Variants in SMARCA2 observed in about 807,000 individuals in gnomAD.
The protein encoded by SMARCA2 is SWI/SNF-related matrix-associated actin-dependent regulator of chromatin subfamily A member 2.
In SMARCA2, 61 loss-of-function variants were observed where a neutral mutation model predicts 199.8. The ratio of observed to expected loss-of-function variants is 0.31; its 90% CI spans 0.25 to 0.38. The LOEUF is 0.38. Among genes scored for constraint, SMARCA2 ranks in the 10% least tolerant of loss-of-function variants. The pLI, the probability that SMARCA2 is intolerant of heterozygous loss-of-function variation, is 1.00. For missense variants in SMARCA2, 1,344 were observed against 2,012.2 expected, an observed-to-expected ratio of 0.67 and a Z score of 6.35; for synonymous variants, 935 against 732.0, an observed-to-expected ratio of 1.28 and a Z score of -4.48.
intron 5 of SMARCA2, among the ~76,000 whole-genome samples, chr9:2,052,871 G>C (rs951101118): frequency 3.3e-5 from 5 of 152,092 alleles, no homozygotes; most frequent in Non-Finnish European, 7.3e-5. Context: ...GGTTGCCTTA[G>C]GACAGAACCA....
intron 9 of SMARCA2, among the ~76,000 whole-genome samples, chr9:2,069,695 G>A (rs1335177288): frequency 2.0e-5 from 3 of 152,122 alleles, no homozygotes; most frequent in Admixed American, 6.5e-5. Flanking sequence ...AACATCCAGG[G>A]AACTCATAAA....
At chr9:2,032,099 C>T (rs1819097046) in intron 2 of SMARCA2, among the ~76,000 whole-genome samples, 1 of 152,200 alleles carries the variant, frequency 6.6e-6, no homozygotes, top group Non-Finnish European at 1.5e-5. Context: ...TTTCTTTTCT[C>T]CAAAACTGCA....
At chr9:2,102,029 A>G (rs1822539225) in intron 22 of SMARCA2, among the ~76,000 whole-genome samples, 1 of 152,114 alleles carries the variant, frequency 6.6e-6, no homozygotes, top group African/African-American at 2.4e-5. Flanking sequence ...TTTTATAGTC[A>G]TTTGTTAGAG....
intron 27 of SMARCA2, among the ~76,000 whole-genome samples, chr9:2,147,385 T>C (rs1186272957): frequency 6.6e-6 from 1 of 152,104 alleles, no homozygotes; most frequent in East Asian, 1.9e-4. Flanking sequence ...GAGAAAATAA[T>C]ATGTCACTTA....
At chr9:2,154,057 G>A (rs944583657) in intron 27 of SMARCA2, among the ~76,000 whole-genome samples, 1 of 152,218 alleles carries the variant, frequency 6.6e-6, no homozygotes, top group African/African-American at 2.4e-5. Context: ...GCCAGACTTT[G>A]AGTTCAAATA....
At chr9:2,189,033 T>G (rs781207822) in intron 32 of SMARCA2, among the ~76,000 whole-genome samples, 6 of 152,150 alleles carry the variant, frequency 3.9e-5, no homozygotes, top group African/African-American at 1.4e-4. Context: ...CTCTTCCACG[T>G]TTAAGGATGC....
At chr9:2,049,707 C>A (rs948752266) in intron 5 of SMARCA2, among the ~76,000 whole-genome samples, 7 of 152,242 alleles carry the variant, frequency 4.6e-5, no homozygotes, top group Non-Finnish European at 1.0e-4. Flanking sequence ...CTCTCTTCTG[C>A]CTATTTGAAG....
chr9:2,084,981 G>A (rs1163786038), intron 17 of SMARCA2, among the ~76,000 whole-genome samples: 1 of 151,954 alleles, frequency 6.6e-6, no homozygotes, highest in East Asian at 1.9e-4. Context: ...TTTACCCCAT[G>A]ACGTTTTGAA....
At chr9:2,105,635 A>T (rs539489194) in intron 23 of SMARCA2, among the ~76,000 whole-genome samples, 12 of 152,318 alleles carry the variant, frequency 7.9e-5, no homozygotes, top group African/African-American at 2.9e-4. Context: ...ATACAGTCCT[A>T]TTAGGCACAG....
chr9:2,064,489 G>A lies in SMARCA2; in HGVS notation c.1692+3503G>A, dbSNP rs181702825. On this transcript the variant is annotated intron_variant, in intron 9 of 33. Coordinates refer to ENST00000349721, the MANE Select transcript of SMARCA2 (RefSeq NM_003070.5). Reference sequence around the variant, plus strand: ...TCAAGCAATTCTATGATACGAAAGTGGAATCATAATTATAATACGGTTATG... The same window carrying A: ...TCAAGCAATTCTATGATACGAAAGTAGAATCATAATTATAATACGGTTATG... Among the ~76,000 whole-genome samples, 1,434 of 152,224 alleles carry A rather than the reference G, an allele frequency of 9.4e-3. 14 individuals carry two copies. Among genetic ancestry groups the A allele is most frequent in the South Asian group, 0.021 (101 of 4,820 alleles).
chr9:2,170,281 C>A lies in SMARCA2; in HGVS notation c.4200-138C>A. The A allele has an allele frequency of 1.6e-5, 16 of 1,011,282 alleles. No individual in the cohort carries two copies. In the South Asian group the frequency reaches 2.6e-4, roughly 16 times the overall value. The allele number at this position is 1,011,282 out of a possible 1,614,324, so 62.6% of individuals were successfully genotyped here. Reference sequence around the variant, plus strand: ...TTTCCGAATGAGGTTCCAAACATAACCCCGTGTAATCTTCCTAACAAGGCA... The same window carrying A: ...TTTCCGAATGAGGTTCCAAACATAAACCCGTGTAATCTTCCTAACAAGGCA... On this transcript the variant is annotated intron_variant, in intron 28 of 33. Transcript: ENST00000349721. The surrounding 1 kb of genome is among the most constrained non-coding windows in gnomAD (Gnocchi z 4.7).
chr9:2,045,676 A>T (rs1272819116), intron 4 of SMARCA2: 1 of 152,152 alleles, frequency 6.6e-6, no homozygotes, highest in African/African-American at 2.4e-5. Flanking sequence ...TTAAAAATAA[A>T]ATGAAGTGCA....
At chr9:2,052,079 G>A (rs1339815571) in intron 5 of SMARCA2, among the ~76,000 whole-genome samples, 1 of 152,222 alleles carries the variant, frequency 6.6e-6, no homozygotes, top group Non-Finnish European at 1.5e-5. Context: ...TGCCAAAAGA[G>A]TAAAATGATG....
rs1825579479 is a variant in SMARCA2, at chr9:2,159,970, T to C, written c.3982-1716T>C. 3.8e-6 allele frequency: 6 copies of C among 1,563,446 alleles called. No individual in the cohort carries two copies. In the East Asian group the frequency reaches 7.0e-5, roughly 18 times the overall value. On this transcript the variant is annotated intron_variant, in intron 27 of 33. Transcript: ENST00000349721. ...AGTAGAACTACATCCCAGGCATGTG[T>C]AGGTGTGTAACACATCAAAAGCCGG...
Position 2,170,614 on chromosome 9 carries a change from G to C in SMARCA2, c.4253+142G>C, listed in dbSNP as rs1826198098. 7.4e-7 allele frequency: 1 copy of C among 1,359,832 alleles called. No individual in the cohort carries two copies. The highest frequency in any genetic ancestry group is 1.0e-6 in the Non-Finnish European group (1 of 983,800). 84.2% of individuals were successfully genotyped at this position (1,359,832 alleles called of 1,614,324 possible). A position where few individuals can be genotyped will look rare whatever the true frequency, so the allele number is the denominator to read the frequency against. The stretch of plus-strand genomic sequence containing the variant: ...ACCCCTACTTGGAGAGCGGGATAGA[G>C]GCACAGATACTCTTAAACAGCTGTC... On this transcript the variant is annotated intron_variant, in intron 29 of 33. Coordinates refer to ENST00000349721, the MANE Select transcript of SMARCA2 (RefSeq NM_003070.5). The surrounding 1 kb of genome is among the most constrained non-coding windows in gnomAD (Gnocchi z 4.7).
At chr9:2,080,820 G>T (rs1821536115) in intron 14 of SMARCA2, among the ~76,000 whole-genome samples, 1 of 152,178 alleles carries the variant, frequency 6.6e-6, no homozygotes, top group Admixed American at 6.5e-5. Flanking sequence ...CATTGGCACT[G>T]TCAACCACTT....
At chr9:2,191,481 C>A in intron 33 of SMARCA2, 73 bp downstream of exon 33, 1 of 1,514,912 alleles carries the variant, frequency 6.6e-7, no homozygotes, top group Non-Finnish European at 9.0e-7. Context: ...CATTTCCATG[C>A]CCCTTCAGCC....
intron 22 of SMARCA2, among the ~76,000 whole-genome samples, chr9:2,102,312 C>T (rs1426116911): frequency 6.6e-6 from 1 of 152,178 alleles, no homozygotes; most frequent in Non-Finnish European, 1.5e-5. Context: ...CTCCTTGCCT[C>T]TCTCTTCTCT....
At chr9:2,176,100 T>G (rs1826570590) in intron 29 of SMARCA2, among the ~76,000 whole-genome samples, 1 of 151,822 alleles carries the variant, frequency 6.6e-6, no homozygotes, top group African/African-American at 2.4e-5. Flanking sequence ...AGGCTGGTCT[T>G]GAACTCCTGA....
Sources: gnomAD v4.1 joint callset for allele counts (sites outside exome capture counted in the v4.1 genomes callset) on GRCh38, gnomAD v4.1.1 for gene constraint, Gnocchi (gnomAD v3.1) non-coding constraint, MANE v1.5 for transcripts, NCBI Gene and HGNC (gene_info 2026-07-23, HGNC 2026-07-21) for gene names.